GSN: variants seen among roughly 807,000 people sequenced by gnomAD.
GSN encodes gelsolin.
In GSN, 56 loss-of-function variants were observed where a neutral mutation model predicts 85.7. The observed-to-expected ratio is 0.65, with a 90% CI of 0.53 to 0.82. GSN has a LOEUF of 0.82. Among genes scored for constraint, GSN ranks in the 40% least tolerant of loss-of-function variants. The pLI is 0.00. For synonymous variants in GSN, 373 were observed against 399.1 expected (o/e 0.93, Z 0.78); for missense variants, 857 against 979.8 (o/e 0.87, Z 1.67).
At chr9:121,216,050 C>T (rs1204128973) in intron 4 of GSN, among the ~76,000 whole-genome samples, 3 of 152,024 alleles carry the variant, frequency 2.0e-5, no homozygotes, top group African/African-American at 2.4e-5. Context: ...CTCTGCCTCC[C>T]GGGTTCTAAC....
At chr9:121,249,960 G>C (rs754797802) in intron 6 of GSN, among the ~76,000 whole-genome samples, 2 of 152,204 alleles carry the variant, frequency 1.3e-5, no homozygotes, top group Non-Finnish European at 2.9e-5. Context: ...TGACGTCTAT[G>C]CTCAGGGAGA....
intron 4 of GSN, among the ~76,000 whole-genome samples, chr9:121,211,565 G>C (rs144639832): frequency 3.5e-3 from 537 of 152,298 alleles, no homozygotes; most frequent in African/African-American, 0.012. Flanking sequence ...TGGGATAGGG[G>C]TAAGGTGGAT....
intron 5 of GSN, chr9:121,311,176 T>G: frequency 2.6e-6 from 1 of 391,164 alleles, no homozygotes; most frequent in East Asian, 5.9e-5. Flanking sequence ...TGTGCACATG[T>G]GCACCATCAT....
At chr9:121,238,586 T>C in intron 5 of GSN, 1 of 209,616 alleles carries the variant, frequency 4.8e-6, no homozygotes, top group Admixed American at 5.5e-5. Flanking sequence ...TGTGAGCGTG[T>C]GAATCAATAC....
intron 8 of GSN, chr9:121,317,667 A>G: frequency 3.8e-6 from 1 of 264,040 alleles, no homozygotes; most frequent in Non-Finnish European, 7.4e-6. Context: ...AAGTTCATAA[A>G]CTCTTTCGGT....
Position 121,318,692 on chromosome 9 carries a change from A to T in GSN, c.1003A>T (p.Thr335Ser). The change falls in exon 10 of 18, where the codon ACC becomes TCC. Residue 335 changes from threonine to serine, a missense_variant. Coordinates refer to ENST00000432226, the MANE Select transcript of GSN (RefSeq NM_198252.3). The surrounding 1 kb of genome is among the most constrained non-coding windows in gnomAD (Gnocchi z 4.3). ...QVSVLPEGGE[T>S]PLFKQFFKNW... ...CTCGGTCCTTCCTGAGGGCGGTGAGACCCCACTGTTCAAGCAGTTCTTCAA... is the reference window on the plus strand; with the variant it reads ...CTCGGTCCTTCCTGAGGGCGGTGAGTCCCCACTGTTCAAGCAGTTCTTCAA... The T allele has an allele frequency of 6.2e-7, 1 of 1,613,526 alleles. No individual in the cohort carries two copies. Among genetic ancestry groups the T allele is most frequent in the Non-Finnish European group, 8.5e-7 (1 of 1,179,606 alleles).
upstream of GSN, among the ~76,000 whole-genome samples, chr9:121,204,816 TG>T (rs372691786): frequency 8.5e-4 from 129 of 152,348 alleles, 1 homozygote; most frequent in African/African-American, 2.1e-3. Context: ...CCCATGTATA[TG>T]TCCTGATATG....
In GSN at chr9:121,302,091, G is replaced by A. The variant is rs771399515; in HGVS notation, c.120G>A (p.Thr40=). The change falls in exon 3 of 18, where the codon ACG becomes ACA. Residue 40 remains threonine (T), a synonymous_variant. Transcript: ENST00000432226. ...CCAACCTTTATGGAGACTTCTTCACGGGCGACGCCTACGTCATCCTGAAGA... is the reference window on the plus strand; with the variant it reads ...CCAACCTTTATGGAGACTTCTTCACAGGCGACGCCTACGTCATCCTGAAGA... ...VPTNLYGDFF[T]GDAYVILKTV... The A allele has an allele frequency of 8.1e-6, 13 of 1,614,096 alleles. 1 individual carries two copies. In the East Asian group the frequency reaches 1.3e-4, roughly 17 times the overall value.
chr9:121,202,079 G>T, the GSN span, among the ~76,000 whole-genome samples: 1 of 152,218 alleles, frequency 6.6e-6, no homozygotes, highest in East Asian at 1.9e-4. Context: ...CGGAGGGAAG[G>T]TGGAAAGCGC....
chr9:121,291,569 CCACCATGCCCGG>C (rs2058698008), intron 2 of GSN, among the ~76,000 whole-genome samples: 1 of 151,956 alleles, frequency 6.6e-6, no homozygotes, highest in South Asian at 2.1e-4. Flanking sequence ...CAGATGCCCA[CCACCATGCCCGG>C]CTAATTTTTT....
rs2063628399 is a variant in GSN at position 121,329,342 on chromosome 9, C to T, written c.1965+27C>T. On this transcript the variant is annotated intron_variant, in intron 16 of 17. Transcript: ENST00000432226. The surrounding 1 kb of genome is among the most constrained non-coding windows in gnomAD (Gnocchi z 4.6). ...TGGGTGAAGGACAGGTGAAGGCTCT[C>T]TGTGCCAGAGGGAGTGGGAGAAACT... is the stretch of plus-strand genomic sequence containing the variant. The T allele has an allele frequency of 7.3e-7, 1 of 1,362,720 alleles. No individual in the cohort carries two copies. The highest frequency in any genetic ancestry group is 1.1e-6 in the Non-Finnish European group (1 of 950,418). 84.4% of individuals were successfully genotyped at this position (1,362,720 alleles called of 1,614,324 possible). A position where few individuals can be genotyped will look rare whatever the true frequency, so the allele number is the denominator to read the frequency against.
Position 121,318,721 on chromosome 9 carries a change from C to T in GSN, c.1032C>T (p.Asn344=). Residue 344 remains asparagine (N), a synonymous_variant, in exon 10 of 18, where the codon AAC becomes AAT. Transcript: ENST00000432226. This position sits in a 1 kb window ranked among gnomAD's most constrained non-coding sequence, Gnocchi z 4.3. ...ETPLFKQFFK[N]WRDPDQTDGL... ...CACTGTTCAAGCAGTTCTTCAAGAA[C>T]TGGCGGGACCCAGACCAGACAGATG... 2 of 1,614,108 alleles carry T rather than the reference C, an allele frequency of 1.2e-6. No homozygotes were observed. Among genetic ancestry groups the T allele is most frequent in the Non-Finnish European group, 1.7e-6 (2 of 1,179,934 alleles).
At chr9:121,291,141 T>C (rs370901281) in intron 2 of GSN, among the ~76,000 whole-genome samples, 1 of 152,204 alleles carries the variant, frequency 6.6e-6, no homozygotes, top group African/African-American at 2.4e-5. Flanking sequence ...TATTGTTACA[T>C]AGAAATTTAC....
intron 2 of GSN, among the ~76,000 whole-genome samples, chr9:121,291,556 C>T (rs1025037986): frequency 6.6e-6 from 1 of 151,660 alleles, no homozygotes; most frequent in African/African-American, 2.4e-5. Flanking sequence ...GTAGCTGGGA[C>T]CACAGATGCC....
At position 121,328,587 on chromosome 9, in the gene GSN, GC is replaced by G. The variant is rs531156380; in HGVS notation, c.1763-302del. Among the ~76,000 whole-genome samples, 24 of 152,276 alleles carry G rather than the reference GC, an allele frequency of 1.6e-4. No homozygotes were observed. In the South Asian group the frequency reaches 4.8e-3, roughly 30 times the overall value. On this transcript the variant is annotated intron_variant, in intron 14 of 17. Coordinates refer to ENST00000432226, the MANE Select transcript of GSN (RefSeq NM_198252.3). Reference sequence around the variant, plus strand: ...TGAGTGAGTTGCTTAACCTCTCCGAGCCACAACTGCCTCATTAGCTGAGTGG... The same window carrying G: ...TGAGTGAGTTGCTTAACCTCTCCGAGCACAACTGCCTCATTAGCTGAGTGG...
At chr9:121,260,724 G>A (rs2055065008) in intron 6 of GSN, among the ~76,000 whole-genome samples, 1 of 152,184 alleles carries the variant, frequency 6.6e-6, no homozygotes, top group Non-Finnish European at 1.5e-5. Context: ...GAGGAGACAC[G>A]GGGTGGAACT....
chr9:121,255,131 G>A (rs920408435), intron 6 of GSN, among the ~76,000 whole-genome samples: 2 of 152,036 alleles, frequency 1.3e-5, no homozygotes, highest in African/African-American at 4.8e-5. Flanking sequence ...TGTATTTTTA[G>A]TAGAGACAGG....
intron 4 of GSN, among the ~76,000 whole-genome samples, chr9:121,219,249 A>C (rs2054123357): frequency 6.8e-6 from 1 of 148,128 alleles, no homozygotes; most frequent in South Asian, 2.1e-4. Flanking sequence ...CAGAAGGTTC[A>C]AGTTAGGGGA....
upstream of GSN, among the ~76,000 whole-genome samples, chr9:121,264,439 A>C (rs185670635): frequency 1.6e-4 from 24 of 152,250 alleles, 1 homozygote; most frequent in East Asian, 3.5e-3. Context: ...TGACAGTGAA[A>C]TCTTGTCTCA....
Sources: gnomAD v4.1 joint callset for allele counts (sites outside exome capture counted in the v4.1 genomes callset) on GRCh38, gnomAD v4.1.1 for gene constraint, Gnocchi (gnomAD v3.1) non-coding constraint, MANE v1.5 for transcripts, NCBI Gene and HGNC (gene_info 2026-07-23, HGNC 2026-07-21) for gene names.